USH2A: variants seen among roughly 807,000 people sequenced by gnomAD.
USH2A encodes Usher syndrome 2A (autosomal recessive, mild).
In USH2A, 443 loss-of-function variants were observed where a neutral mutation model predicts 538.9. The observed-to-expected ratio is 0.82, with a 90% confidence interval of 0.76 to 0.89. The LOEUF (loss-of-function observed/expected upper bound fraction) is 0.89, where lower values mean the gene tolerates loss of function less well. Ranked by LOEUF, USH2A falls within the 40% of genes least tolerant of loss-of-function variation. USH2A has a pLI of 0.00. For missense variants in USH2A, 6,633 were observed against 6,324.8 expected (o/e 1.05, Z -1.65); for synonymous variants, 2,413 against 2,273.5 (o/e 1.06, Z -1.75).
intron 2 of USH2A, among the ~76,000 whole-genome samples, chr1:216,420,470 A>G (rs1442551247): frequency 6.6e-6 from 1 of 152,092 alleles, no homozygotes; most frequent in Non-Finnish European, 1.5e-5. Flanking sequence ...ACACCCCGAA[A>G]TTCCCCCAAT....
At chr1:216,396,873 T>C (rs565993132) in intron 3 of USH2A, among the ~76,000 whole-genome samples, 1 of 152,318 alleles carries the variant, frequency 6.6e-6, no homozygotes, top group South Asian at 2.1e-4. Context: ...AAGTACAAAT[T>C]GTATTATCTC....
intron 21 of USH2A, among the ~76,000 whole-genome samples, chr1:216,145,718 T>C (rs1378905113): frequency 6.6e-6 from 1 of 152,158 alleles, no homozygotes; most frequent in Non-Finnish European, 1.5e-5. Context: ...CTGCCCCACC[T>C]TAACTGATGA....
At chr1:216,069,552 T>A (rs1571932635) in intron 30 of USH2A, among the ~76,000 whole-genome samples, 1 of 152,300 alleles carries the variant, frequency 6.6e-6, no homozygotes, top group East Asian at 1.9e-4. Flanking sequence ...CGCATGAATT[T>A]GAGTGTGAGA....
chr1:216,349,650 C>G (rs528478695), intron 4 of USH2A, among the ~76,000 whole-genome samples: 1 of 152,244 alleles, frequency 6.6e-6, no homozygotes, highest in East Asian at 1.9e-4. Flanking sequence ...CGTATATGGC[C>G]TAAAACAGGG....
intron 50 of USH2A, among the ~76,000 whole-genome samples, chr1:215,798,163 A>T (rs776155861): frequency 2.6e-5 from 4 of 152,222 alleles, no homozygotes; most frequent in Non-Finnish European, 5.9e-5. Context: ...TGCTGCAATC[A>T]TAAAACTAAC....
intron 21 of USH2A, among the ~76,000 whole-genome samples, chr1:216,149,232 A>C (rs1156846336): frequency 6.6e-6 from 1 of 152,074 alleles, no homozygotes; most frequent in Non-Finnish European, 1.5e-5. Flanking sequence ...AGGCCCTCAA[A>C]ATAAGTAGAG....
intron 64 of USH2A, 21 bp downstream of exon 64, chr1:215,670,951 T>C (rs1657795170): frequency 6.2e-7 from 1 of 1,612,950 alleles, no homozygotes; most frequent in African/African-American, 1.3e-5. Flanking sequence ...GCTCGAATTG[T>C]TTATAATACA....
At chr1:215,814,026 T>A (rs967143290) in intron 48 of USH2A, 122 bp from the exon 49 acceptor site, 2 of 1,127,322 alleles carry the variant, frequency 1.8e-6, no homozygotes, top group African/African-American at 3.1e-5. Flanking sequence ...ATATTACTCA[T>A]ATTTCGTTGG....
chr1:216,128,042 G>T (rs1345716619), intron 21 of USH2A, among the ~76,000 whole-genome samples: 1 of 152,106 alleles, frequency 6.6e-6, no homozygotes, highest in Non-Finnish European at 1.5e-5. Flanking sequence ...TTGGAGCCAA[G>T]AATTTGAAGA....
chr1:215,673,535 C>A (rs887158147), intron 63 of USH2A, among the ~76,000 whole-genome samples: 1 of 152,082 alleles, frequency 6.6e-6, no homozygotes, highest in South Asian at 2.1e-4. Flanking sequence ...CAGATGGGAC[C>A]GCTAGGAAAA....
At chr1:215,648,317 T>A (rs1040730756) in intron 66 of USH2A, among the ~76,000 whole-genome samples, 11 of 152,246 alleles carry the variant, frequency 7.2e-5, no homozygotes, top group African/African-American at 2.7e-4. Flanking sequence ...GTTGCTTTTA[T>A]GATTTAAATA....
intron 21 of USH2A, among the ~76,000 whole-genome samples, chr1:216,152,495 C>T (rs1283269013): frequency 2.6e-5 from 4 of 151,888 alleles, no homozygotes; most frequent in Admixed American, 1.3e-4. Flanking sequence ...GACCCCCACT[C>T]CCACCCGCCA....
At chr1:216,311,275 G>A (rs768821277) in intron 9 of USH2A, among the ~76,000 whole-genome samples, 1 of 152,148 alleles carries the variant, frequency 6.6e-6, no homozygotes, top group Non-Finnish European at 1.5e-5. Context: ...GGCATGGATA[G>A]GACAGGTCTC....
intron 32 of USH2A, among the ~76,000 whole-genome samples, chr1:216,004,513 C>T (rs1668346759): frequency 6.6e-6 from 1 of 152,058 alleles, no homozygotes; most frequent in African/African-American, 2.4e-5. Flanking sequence ...TCAGTAATTG[C>T]ACAATTGAAG....
chr1:216,206,903 G>A (rs562046226), intron 16 of USH2A, among the ~76,000 whole-genome samples: 1 of 152,220 alleles, frequency 6.6e-6, no homozygotes, highest in African/African-American at 2.4e-5. Context: ...CAAATGTTAT[G>A]TTAAAAGGAA....
intron 43 of USH2A, among the ~76,000 whole-genome samples, chr1:215,873,170 T>G (rs1019422470): frequency 1.3e-5 from 2 of 152,184 alleles, no homozygotes; most frequent in African/African-American, 2.4e-5. Flanking sequence ...CCAATTTAAT[T>G]TGAATGTGAA....
At chr1:215,959,562 T>C (rs1432931892) in intron 37 of USH2A, among the ~76,000 whole-genome samples, 1 of 152,148 alleles carries the variant, frequency 6.6e-6, no homozygotes, top group African/African-American at 2.4e-5. Flanking sequence ...AGTTTCAACA[T>C]TAAAAACTGA....
At chr1:215,824,202 C>T (rs1663093538) in intron 47 of USH2A, among the ~76,000 whole-genome samples, 1 of 152,050 alleles carries the variant, frequency 6.6e-6, no homozygotes, top group Non-Finnish European at 1.5e-5. Context: ...TTTGGAGCAT[C>T]CTCTCATATA....
In USH2A at chr1:215,900,842, C is replaced by T; in HGVS notation, c.7364G>A (p.Trp2455Ter). 6.2e-7 allele frequency: 1 copy of T among 1,613,742 alleles called. No individual in the cohort carries two copies. The highest frequency in any genetic ancestry group is 8.5e-7 in the Non-Finnish European group (1 of 1,179,788). The change falls in exon 39 of 72, where the codon TGG (tryptophan) becomes TAG (stop). Residue 2455 changes from tryptophan to a stop codon, truncating the protein, a stop_gained. Transcript: ENST00000307340. LOFTEE classifies it high-confidence loss of function. Reference protein sequence around the residue: ...SATPTSLQVVWSTPARNNAPG... With the variant: ...SATPTSLQVV The stretch of plus-strand genomic sequence containing the variant: ...AGCGTTATTACGAGCTGGTGTAGAC[C>T]AGACAACCTGAAGACTGGTTGGAGT...
Sources: gnomAD v4.1 joint callset for allele counts (sites outside exome capture counted in the v4.1 genomes callset) on GRCh38, gnomAD v4.1.1 for gene constraint, MANE v1.5 for transcripts, NCBI Gene and HGNC (gene_info 2026-07-23, HGNC 2026-07-21) for gene names.